Variants in GSE1 observed in about 807,000 individuals in gnomAD.
The protein encoded by GSE1 is genetic suppressor element 1.
Under a neutral mutation model 112.6 loss-of-function variants are expected in GSE1, and 32 were observed. That is an observed-to-expected ratio of 0.28 (90% CI 0.21 to 0.38). GSE1 has a LOEUF of 0.38. Among genes scored for constraint, GSE1 ranks in the 10% least tolerant of loss-of-function variants. The pLI is 1.00. For missense variants in GSE1, 2,348 were observed against 1,699.2 expected, an observed-to-expected ratio of 1.38 and a Z score of -6.71; for synonymous variants, 1,115 against 735.6, an observed-to-expected ratio of 1.52 and a Z score of -8.35.
chr16:85,204,897 C>T (rs529242517), intron 1 of GSE1, among the ~76,000 whole-genome samples: 2 of 152,328 alleles, frequency 1.3e-5, no homozygotes, highest in South Asian at 4.1e-4. Context: ...GGACTGGGGA[C>T]AGACCACAAG....
At chr16:85,361,067 T>TA (rs2047062928) in intron 2 of GSE1, among the ~76,000 whole-genome samples, 1 of 150,766 alleles carries the variant, frequency 6.6e-6, no homozygotes, top group South Asian at 2.1e-4. Flanking sequence ...TATGGATACA[T>TA]ACACAGAGTA....
At chr16:85,242,549 G>A (rs1032751199) in intron 1 of GSE1, among the ~76,000 whole-genome samples, 7 of 152,240 alleles carry the variant, frequency 4.6e-5, no homozygotes, top group Non-Finnish European at 7.3e-5. Context: ...TGTCACCAGC[G>A]CTTTACAGAT....
intron 2 of GSE1, among the ~76,000 whole-genome samples, chr16:85,547,064 C>A (rs2044727055): frequency 6.6e-6 from 1 of 152,154 alleles, no homozygotes; most frequent in African/African-American, 2.4e-5. Context: ...CTCACCACAC[C>A]CCTGTCCAGG....
At chr16:85,629,099 C>T (rs915220571) in intron 1 of GSE1, among the ~76,000 whole-genome samples, 3 of 152,228 alleles carry the variant, frequency 2.0e-5, no homozygotes, top group African/African-American at 7.2e-5. Flanking sequence ...GATGTGCTGG[C>T]TTCCCTCGCC....
intron 2 of GSE1, among the ~76,000 whole-genome samples, chr16:85,480,695 G>A (rs1436698029): frequency 5.3e-5 from 8 of 152,072 alleles, no homozygotes; most frequent in South Asian, 4.1e-4. Flanking sequence ...TGTGGCGGGC[G>A]GCAGGGGTGG....
chr16:85,409,293 C>A (rs2048419986), intron 2 of GSE1, among the ~76,000 whole-genome samples: 1 of 46,760 alleles, frequency 2.1e-5, no homozygotes, highest in Non-Finnish European at 4.2e-5. Context: ...ATAATCCTCA[C>A]TGTTACACTC....
At chr16:85,504,517 G>T (rs1252402531) in intron 2 of GSE1, among the ~76,000 whole-genome samples, 1 of 152,210 alleles carries the variant, frequency 6.6e-6, no homozygotes, top group African/African-American at 2.4e-5. Context: ...GGTAGCATAC[G>T]GTTAGTGTGA....
intron 1 of GSE1, among the ~76,000 whole-genome samples, chr16:85,565,199 G>A (rs1423268148): frequency 6.6e-6 from 1 of 152,020 alleles, no homozygotes; most frequent in Non-Finnish European, 1.5e-5. Context: ...AGACCAGCCT[G>A]ACCAACATGA....
rs568671531 is a variant in GSE1 at position 85,569,953 on chromosome 16, G to A, written c.37+13590G>A. Among the ~76,000 whole-genome samples the A allele has an allele frequency of 9.9e-5, 15 of 152,154 alleles. No homozygotes were observed. The South Asian group carries it at 2.9e-3, about 29-fold the overall frequency. ...TGAGCCCTAGGGGGTGGAGGTGGGG[G>A]TTTCAATCCCCGCCTCTGTCGGAGG... is the stretch of plus-strand genomic sequence containing the variant. On this transcript the variant is annotated intron_variant, in intron 1 of 2. Coordinates refer to the GSE1 transcript ENST00000635906.
At chr16:85,341,513 C>G (rs1234318966) in intron 1 of GSE1, among the ~76,000 whole-genome samples, 1 of 151,738 alleles carries the variant, frequency 6.6e-6, no homozygotes, top group African/African-American at 2.4e-5. Flanking sequence ...CAAAAATTAG[C>G]TGGGCTTGGT....
chr16:85,276,375 C>A (rs11649673), intron 1 of GSE1, among the ~76,000 whole-genome samples: 9,974 of 152,310 alleles, frequency 0.065, 363 homozygotes, highest in African/African-American at 0.087. Context: ...CTGGTACGCA[C>A]TGGACCAGGA....
chr16:85,297,626 T>G (rs547483695), intron 1 of GSE1, among the ~76,000 whole-genome samples: 1 of 152,232 alleles, frequency 6.6e-6, no homozygotes, highest in East Asian at 1.9e-4. Flanking sequence ...CAGCCTCCCT[T>G]GTAGCTGGGT....
At chr16:85,632,656 TC>T (rs2049635744) in intron 1 of GSE1, among the ~76,000 whole-genome samples, 1 of 152,148 alleles carries the variant, frequency 6.6e-6, no homozygotes, top group African/African-American at 2.4e-5. Context: ...GGCAGCCTCT[TC>T]CGGGGAGGAA....
At position 85,671,194 on chromosome 16, in the gene GSE1, T is replaced by G. The variant is rs1222953822; in HGVS notation, c.3519+96T>G. ...GATAAGTTTCAGAGAGGAAATGTGC[T>G]CTTAAGAGATCAAAATTTGGCGGAT... On this transcript the variant is annotated intron_variant, in intron 15 of 15. Coordinates refer to ENST00000253458, the MANE Select transcript of GSE1 (RefSeq NM_014615.5). 1.3e-5 allele frequency: 9 copies of G among 667,884 alleles called. 1 individual carries two copies. The highest frequency in any genetic ancestry group is 1.2e-4 in the East Asian group (4 of 34,022). 41.4% of individuals were successfully genotyped at this position (667,884 alleles called of 1,614,324 possible). A position where few individuals can be genotyped will look rare whatever the true frequency, so the allele number is the denominator to read the frequency against.
intron 6 of GSE1, 65 bp from the exon 7 acceptor site, chr16:85,656,278 C>A (rs2051921938): frequency 2.5e-6 from 4 of 1,578,052 alleles, no homozygotes; most frequent in Non-Finnish European, 3.4e-6. Flanking sequence ...TTTTTAAGGG[C>A]CTGCCCCAGG....
intron 1 of GSE1, among the ~76,000 whole-genome samples, chr16:85,284,303 A>G (rs1478929302): frequency 6.6e-6 from 1 of 152,196 alleles, no homozygotes; most frequent in Non-Finnish European, 1.5e-5. Context: ...TCAGACAGGG[A>G]GAAGGCGGGA....
intron 2 of GSE1, among the ~76,000 whole-genome samples, chr16:85,549,357 TG>T (rs1363679262): frequency 6.6e-6 from 1 of 152,148 alleles, no homozygotes; most frequent in African/African-American, 2.4e-5. Context: ...TTTTATTTTT[TG>T]TAGCGACGGA....
intron 2 of GSE1, among the ~76,000 whole-genome samples, chr16:85,465,529 T>C (rs2050099576): frequency 2.6e-5 from 4 of 152,246 alleles, no homozygotes; most frequent in African/African-American, 7.2e-5. Context: ...GACTGCACAC[T>C]GTCAGTGTCA....
At chr16:85,194,121 C>T (rs1332846203) in intron 1 of GSE1, among the ~76,000 whole-genome samples, 1 of 152,206 alleles carries the variant, frequency 6.6e-6, no homozygotes, top group African/African-American at 2.4e-5. Flanking sequence ...AGCAGAGCTT[C>T]ACTCTGACTC....
Sources: allele counts gnomAD v4.1 joint callset (sites outside exome capture counted in the v4.1 genomes callset), GRCh38; gene constraint gnomAD v4.1.1; transcripts MANE v1.5; gene names NCBI Gene and HGNC (gene_info 2026-07-23, HGNC 2026-07-21).